Variants in PPFIA2 observed in about 807,000 individuals in gnomAD.
PPFIA2 encodes the protein liprin-alpha-2.
PPFIA2 carries 46 observed loss-of-function variants against 175.5 expected under a neutral mutation model. The observed-to-expected ratio is 0.26, with a 90% confidence interval of 0.21 to 0.34. The LOEUF (loss-of-function observed/expected upper bound fraction) is 0.34. Ranked by LOEUF, PPFIA2 falls within the 10% of genes least tolerant of loss-of-function variation. The pLI is 1.00. For synonymous variants in PPFIA2, 568 were observed against 511.4 expected (o/e 1.11, Z -1.49); for missense variants, 1,179 against 1,506.1 (o/e 0.78, Z 3.60).
intron 32 of PPFIA2, chr12:81,260,820 CG>C (rs1330655540): frequency 6.6e-6 from 1 of 152,008 alleles, no homozygotes; most frequent in East Asian, 1.9e-4. Flanking sequence ...TTCTAAATAT[CG>C]CTCTTAAAAA....
At chr12:81,425,032 TACTA>T (rs1409880669) in intron 7 of PPFIA2, 3 of 152,336 alleles carry the variant, frequency 2.0e-5, no homozygotes, top group African/African-American at 7.2e-5. Context: ...CTCAGGCATT[TACTA>T]ACTATGTAAT....
chr12:81,340,649 C>T (rs917223689), intron 20 of PPFIA2, among the ~76,000 whole-genome samples: 1 of 151,996 alleles, frequency 6.6e-6, no homozygotes, highest in African/African-American at 2.4e-5. Context: ...CAGCAGTACC[C>T]ACAGGATGCA....
In PPFIA2 at chr12:81,642,733, A is replaced by ACG. The variant is rs1344823037; in HGVS notation, c.303+34057_303+34058insCG. ...ATGTATGTATTATATACATACATGTATATGTATGTATGTATTATATACATA... is the reference window on the plus strand; with the variant it reads ...ATGTATGTATTATATACATACATGTACGTATGTATGTATGTATTATATACATA... On this transcript the variant is annotated intron_variant, in intron 4 of 32. Coordinates refer to ENST00000549396, the MANE Select transcript of PPFIA2 (RefSeq NM_003625.5). Among the ~76,000 whole-genome samples, 5 of 8,116 alleles carry ACG rather than the reference A, an allele frequency of 6.2e-4. 1 individual carries two copies. The highest frequency in any genetic ancestry group is 2.7e-3 in the African/African-American group (5 of 1,866). 5.3% of individuals were successfully genotyped at this position (8,116 alleles called of 152,430 possible).
intron 4 of PPFIA2, 130 bp downstream of exon 4, chr12:81,676,661 G>T: frequency 1.9e-6 from 1 of 540,256 alleles, no homozygotes; most frequent in Non-Finnish European, 2.9e-6. Flanking sequence ...TCTGTTATTA[G>T]TTTCTATAAT....
chr12:81,609,179 A>AT (rs2060638152), intron 4 of PPFIA2, among the ~76,000 whole-genome samples: 1 of 151,772 alleles, frequency 6.6e-6, no homozygotes, highest in South Asian at 2.1e-4. Context: ...ATTTATTGAG[A>AT]TTTCTGTTAT....
chr12:81,427,720 T>A (rs1204019059), intron 7 of PPFIA2, among the ~76,000 whole-genome samples: 2 of 152,078 alleles, frequency 1.3e-5, no homozygotes, highest in Non-Finnish European at 2.9e-5. Context: ...TTTGCTCAAC[T>A]AATAACTAAT....
intron 4 of PPFIA2, among the ~76,000 whole-genome samples, chr12:81,541,577 GAA>G (rs1279594507): frequency 6.6e-6 from 1 of 151,662 alleles, no homozygotes; most frequent in Admixed American, 6.6e-5. Flanking sequence ...TTCTTTTGTT[GAA>G]AAATAAAAAA....
intron 11 of PPFIA2, 164 bp from the exon 12 acceptor site, chr12:81,369,358 T>A: frequency 1.4e-6 from 2 of 1,474,028 alleles, no homozygotes; most frequent in Non-Finnish European, 1.8e-6. Context: ...TTGCTTGAAA[T>A]GTGTCAGCTA....
chr12:81,476,543 A>G (rs554925507), intron 4 of PPFIA2, among the ~76,000 whole-genome samples: 1 of 152,360 alleles, frequency 6.6e-6, no homozygotes, highest in African/African-American at 2.4e-5. Context: ...TTTATATCAC[A>G]TAAATATGAA....
chr12:81,651,601 A>G (rs577141898), intron 4 of PPFIA2, among the ~76,000 whole-genome samples: 6 of 152,184 alleles, frequency 3.9e-5, no homozygotes, highest in African/African-American at 1.2e-4. Flanking sequence ...CAGTGGTGTT[A>G]TGACTGAATG....
intron 28 of PPFIA2, among the ~76,000 whole-genome samples, chr12:81,268,925 A>C (rs2038250931): frequency 6.6e-6 from 1 of 152,226 alleles, no homozygotes; most frequent in African/African-American, 2.4e-5. Context: ...CAACAGATGG[A>C]TACTTACCTT....
chr12:81,469,887 A>AG (rs1166865223), intron 4 of PPFIA2, among the ~76,000 whole-genome samples: 1 of 152,172 alleles, frequency 6.6e-6, no homozygotes, highest in African/African-American at 2.4e-5. Context: ...TAGAAGAGGA[A>AG]GGGACACCAG....
intron 3 of PPFIA2, among the ~76,000 whole-genome samples, chr12:81,703,952 C>T (rs555724392): frequency 2.0e-5 from 3 of 152,262 alleles, no homozygotes; most frequent in African/African-American, 7.2e-5. Context: ...ACTTATTATT[C>T]TATTCCTCAA....
intron 4 of PPFIA2, among the ~76,000 whole-genome samples, chr12:81,485,375 TACTC>T (rs2058701747): frequency 6.6e-6 from 1 of 151,690 alleles, no homozygotes; most frequent in African/African-American, 2.4e-5. Context: ...ACATATTACA[TACTC>T]AATAAATATA....
At position 81,279,818 on chromosome 12, in the gene PPFIA2, G is replaced by A. The variant is rs147756859; in HGVS notation, c.3212+1439C>T. 3.9e-3 allele frequency among the ~76,000 whole-genome samples: 593 copies of A among 152,200 alleles called. 1 individual carries two copies. The highest frequency in any genetic ancestry group is 6.8e-3 in the Middle Eastern group (2 of 294). On this transcript the variant is annotated intron_variant, in intron 27 of 32. Transcript: ENST00000549396. ...GAAGCCCTAAACTTCCCGTGACAGG[G>A]AGCTCACTCACTACCTCACAATGTA... is the stretch of plus-strand genomic sequence containing the variant.
chr12:81,463,079 C>A (rs902836486), intron 4 of PPFIA2, among the ~76,000 whole-genome samples: 36 of 152,050 alleles, frequency 2.4e-4, no homozygotes, highest in African/African-American at 8.4e-4. Context: ...CTGGGAACAA[C>A]CTAGACTTCC....
chr12:81,560,622 G>A (rs987010039), intron 4 of PPFIA2, among the ~76,000 whole-genome samples: 3 of 152,084 alleles, frequency 2.0e-5, no homozygotes, highest in African/African-American at 7.2e-5. Context: ...TAAAATTTTG[G>A]TCTAAATATT....
intron 4 of PPFIA2, among the ~76,000 whole-genome samples, chr12:81,486,540 C>T (rs562715332): frequency 2.0e-4 from 31 of 151,782 alleles, no homozygotes; most frequent in African/African-American, 7.2e-4. Flanking sequence ...TAAACATATG[C>T]CAATTTTTTT....
intron 3 of PPFIA2, among the ~76,000 whole-genome samples, chr12:81,702,425 C>T (rs1399928124): frequency 6.6e-6 from 1 of 152,152 alleles, no homozygotes; most frequent in African/African-American, 2.4e-5. Context: ...TCCCATCACT[C>T]CAGTGAAATC....
Sources: gnomAD v4.1 joint callset for allele counts (sites outside exome capture counted in the v4.1 genomes callset) on GRCh38, gnomAD v4.1.1 for gene constraint, MANE v1.5 for transcripts, NCBI Gene and HGNC (gene_info 2026-07-23, HGNC 2026-07-21) for gene names.